CTNNA2: variants seen among roughly 807,000 people sequenced by gnomAD.
The protein encoded by CTNNA2 is catenin alpha 2.
Under a neutral mutation model 101.0 loss-of-function variants are expected in CTNNA2, and 42 were observed. That is an observed-to-expected ratio of 0.42 (90% confidence interval 0.32 to 0.54). The LOEUF (loss-of-function observed/expected upper bound fraction) is 0.54, where lower values mean the gene tolerates loss of function less well. Ranked by LOEUF, CTNNA2 falls within the 20% of genes least tolerant of loss-of-function variation. The pLI is 0.14. For missense variants in CTNNA2, 871 were observed against 1,223.1 expected, an observed-to-expected ratio of 0.71 and a Z score of 4.29; for synonymous variants, 450 against 456.4, an observed-to-expected ratio of 0.99 and a Z score of 0.18.
chr2:79,845,463 G>T (rs548978170), intron 3 of CTNNA2, among the ~76,000 whole-genome samples: 1 of 151,988 alleles, frequency 6.6e-6, no homozygotes, highest in South Asian at 2.1e-4. Flanking sequence ...TCAATGGTGC[G>T]CACTAAGAGA....
intron 2 of CTNNA2, among the ~76,000 whole-genome samples, chr2:79,680,288 A>G (rs1683472107): frequency 6.6e-6 from 1 of 152,028 alleles, no homozygotes. Context: ...TTCAAACTGA[A>G]AAGGTAGGTT....
At chr2:79,396,423 T>A (rs934028299) in intron 4 of CTNNA2, among the ~76,000 whole-genome samples, 7 of 152,310 alleles carry the variant, frequency 4.6e-5, no homozygotes, top group Admixed American at 1.3e-4. Flanking sequence ...CCTCCCAAAG[T>A]GCTGGGATTA....
chr2:80,355,836 A>C (rs1673736408), intron 7 of CTNNA2, among the ~76,000 whole-genome samples: 1 of 152,136 alleles, frequency 6.6e-6, no homozygotes, highest in Non-Finnish European at 1.5e-5. Flanking sequence ...TAGGTAGAAC[A>C]ATTTTTACTG....
At chr2:79,951,572 G>A (rs1688882987) in intron 7 of CTNNA2, among the ~76,000 whole-genome samples, 1 of 152,060 alleles carries the variant, frequency 6.6e-6, no homozygotes, top group Admixed American at 6.6e-5. Context: ...AACGGAGGCA[G>A]GAGAATCACT....
At chr2:79,819,489 T>C (rs1172078312) in intron 3 of CTNNA2, among the ~76,000 whole-genome samples, 3 of 152,216 alleles carry the variant, frequency 2.0e-5, no homozygotes, top group African/African-American at 7.2e-5. Flanking sequence ...ACTTGCAGAA[T>C]GAATGAATGA....
chr2:79,377,660 G>A (rs1031215707), intron 4 of CTNNA2, among the ~76,000 whole-genome samples: 6 of 152,140 alleles, frequency 3.9e-5, no homozygotes, highest in Non-Finnish European at 7.4e-5. Context: ...GGGGAAAAGG[G>A]CATGTTTGCT....
chr2:80,095,997 A>G lies in CTNNA2; in HGVS notation c.1056+186200A>G, dbSNP rs548758230. ...TTTTTGAAGGGTTTTTTGTGTCTCT[A>G]TTTCCTTCAGTTCTGCTCTGATCTT... is the stretch of plus-strand genomic sequence containing the variant. On this transcript the variant is annotated intron_variant, in intron 7 of 18. Coordinates refer to ENST00000402739, the MANE Select transcript of CTNNA2 (RefSeq NM_001282597.3). 7.9e-5 allele frequency among the ~76,000 whole-genome samples: 12 copies of G among 151,674 alleles called. No homozygotes were observed. The South Asian group carries it at 1.9e-3, about 24-fold the overall frequency.
intron 3 of CTNNA2, among the ~76,000 whole-genome samples, chr2:79,839,930 A>G (rs1558569569): frequency 6.6e-6 from 1 of 152,138 alleles, no homozygotes; most frequent in African/African-American, 2.4e-5. Flanking sequence ...TTTTTTTATG[A>G]AGACTTATTT....
intron 1 of CTNNA2, 127 bp from the exon 2 acceptor site, chr2:79,651,425 C>T (rs1681241212): frequency 3.7e-6 from 3 of 809,988 alleles, no homozygotes; most frequent in African/African-American, 1.7e-5. Flanking sequence ...CTAATTTGAC[C>T]AGGTTGGACC....
At chr2:80,567,730 A>T (rs936151080) in intron 12 of CTNNA2, among the ~76,000 whole-genome samples, 5 of 152,108 alleles carry the variant, frequency 3.3e-5, no homozygotes, top group Middle Eastern at 6.8e-3. Context: ...ATTTTTCCCT[A>T]ATCTTTACCG....
At chr2:79,740,525 T>C (rs577864128) in intron 2 of CTNNA2, among the ~76,000 whole-genome samples, 3 of 152,254 alleles carry the variant, frequency 2.0e-5, no homozygotes, top group African/African-American at 7.2e-5. Context: ...ACATCAGATA[T>C]TACAGGGCAT....
chr2:79,282,409 C>A (rs946596310), intron 2 of CTNNA2, among the ~76,000 whole-genome samples: 8 of 152,018 alleles, frequency 5.3e-5, no homozygotes, highest in Non-Finnish European at 1.0e-4. Flanking sequence ...CCTCCCCGCT[C>A]CCCCCACCCT....
chr2:80,334,835 G>T (rs1213998520), intron 7 of CTNNA2, among the ~76,000 whole-genome samples: 4 of 152,200 alleles, frequency 2.6e-5, no homozygotes, highest in African/African-American at 7.2e-5. Context: ...CGAGGGAGTT[G>T]CAGGGACATG....
At chr2:79,261,259 C>T (rs1674917846) in intron 2 of CTNNA2, among the ~76,000 whole-genome samples, 1 of 152,088 alleles carries the variant, frequency 6.6e-6, no homozygotes, top group Non-Finnish European at 1.5e-5. Context: ...AATTATTCAC[C>T]AGAAATTCAA....
intron 7 of CTNNA2, among the ~76,000 whole-genome samples, chr2:80,149,531 C>A (rs2148925243): frequency 6.6e-6 from 1 of 152,240 alleles, no homozygotes; most frequent in Admixed American, 6.5e-5. Flanking sequence ...TATGTCAGGG[C>A]TTTTCTAATA....
At chr2:80,188,304 GA>G (rs1190666086) in intron 7 of CTNNA2, among the ~76,000 whole-genome samples, 1 of 152,126 alleles carries the variant, frequency 6.6e-6, no homozygotes, top group Admixed American at 6.5e-5. Flanking sequence ...AAAATAAGAA[GA>G]TTTTTTAGTT....
chr2:80,245,850 A>C (rs1316515752), intron 7 of CTNNA2, among the ~76,000 whole-genome samples: 1 of 113,324 alleles, frequency 8.8e-6, no homozygotes, highest in Non-Finnish European at 1.6e-5. Context: ...GCTGGAGTGC[A>C]GTGGCTCAAT....
chr2:80,417,333 A>G (rs1225189703), intron 8 of CTNNA2, among the ~76,000 whole-genome samples: 2 of 151,700 alleles, frequency 1.3e-5, no homozygotes, highest in Non-Finnish European at 2.9e-5. Flanking sequence ...GTTTTAATAC[A>G]TACATATATT....
chr2:79,867,354 T>C (rs774878754), intron 4 of CTNNA2, among the ~76,000 whole-genome samples: 7 of 152,222 alleles, frequency 4.6e-5, no homozygotes, highest in Non-Finnish European at 7.3e-5. Flanking sequence ...TGTCTATCTA[T>C]CAATCATCCA....
Sources: allele counts gnomAD v4.1 joint callset (sites outside exome capture counted in the v4.1 genomes callset), GRCh38; gene constraint gnomAD v4.1.1; transcripts MANE v1.5; gene names NCBI Gene and HGNC (gene_info 2026-07-23, HGNC 2026-07-21).